ZNF704: variants seen among roughly 807,000 people sequenced by gnomAD.
The protein encoded by ZNF704 is zinc finger protein 704.
A neutral mutation model predicts 44.7 loss-of-function variants in ZNF704; 10 were observed. The ratio of observed to expected loss-of-function variants is 0.22; its 90% CI spans 0.14 to 0.38. ZNF704 has a LOEUF of 0.38. Ranked by LOEUF, ZNF704 falls within the 10% of genes least tolerant of loss-of-function variation. The probability of loss-of-function intolerance (pLI) is 1.00; values close to 1 mark genes in which losing one functional copy is unlikely to be tolerated. For missense variants in ZNF704, 390 were observed against 545.5 expected (o/e 0.71, Z 2.84); for synonymous variants, 211 against 207.6 (o/e 1.02, Z -0.14).
intron 2 of ZNF704, among the ~76,000 whole-genome samples, chr8:80,807,357 G>A (rs1299825305): frequency 1.3e-5 from 2 of 152,108 alleles, no homozygotes; most frequent in Non-Finnish European, 2.9e-5. Context: ...GAGGCAGGAA[G>A]CCCCCAGCCA....
intron 2 of ZNF704, among the ~76,000 whole-genome samples, chr8:80,721,059 T>C (rs1207432652): frequency 6.6e-6 from 1 of 152,162 alleles, no homozygotes; most frequent in African/African-American, 2.4e-5. Context: ...ACTTTGATTG[T>C]GGGTCAATTG....
chr8:80,783,226 G>A (rs1462684200), intron 2 of ZNF704, among the ~76,000 whole-genome samples: 2 of 152,186 alleles, frequency 1.3e-5, no homozygotes, highest in African/African-American at 4.8e-5. Context: ...CTGTCCAGAA[G>A]AGAAGGCCTG....
At chr8:80,698,314 G>A (rs912767291) in intron 2 of ZNF704, among the ~76,000 whole-genome samples, 4 of 152,190 alleles carry the variant, frequency 2.6e-5, no homozygotes, top group African/African-American at 9.7e-5. Flanking sequence ...GCTAACAGGA[G>A]AACAGGGCTG....
intron 2 of ZNF704, among the ~76,000 whole-genome samples, chr8:80,819,086 A>G (rs1230322501): frequency 1.3e-5 from 2 of 152,144 alleles, no homozygotes; most frequent in Non-Finnish European, 2.9e-5. Context: ...TAGATACCCC[A>G]AACAATGAAG....
chr8:80,646,474 CAAA>C (rs59704641), intron 7 of ZNF704, among the ~76,000 whole-genome samples: 8,362 of 98,644 alleles, frequency 0.085, 250 homozygotes, highest in Middle Eastern at 0.17. Flanking sequence ...AGACACATCT[CAAA>C]AAAAAAAAAA....
At chr8:80,743,857 C>T (rs1806803679) in intron 2 of ZNF704, among the ~76,000 whole-genome samples, 1 of 152,218 alleles carries the variant, frequency 6.6e-6, no homozygotes, top group Non-Finnish European at 1.5e-5. Context: ...TAACATGCTT[C>T]ACACAGTGGA....
chr8:80,741,331 T>C (rs1806752705), intron 2 of ZNF704, among the ~76,000 whole-genome samples: 1 of 152,142 alleles, frequency 6.6e-6, no homozygotes, highest in South Asian at 2.1e-4. Context: ...CTTTTCTTTA[T>C]ATGTCACAGA....
intron 2 of ZNF704, among the ~76,000 whole-genome samples, chr8:80,714,753 A>G (rs891855200): frequency 6.6e-5 from 10 of 152,192 alleles, no homozygotes; most frequent in South Asian, 2.1e-4. Context: ...TTTAGGTAAC[A>G]CACTGGTCCC....
intron 1 of ZNF704, among the ~76,000 whole-genome samples, chr8:80,869,614 T>C (rs745805154): frequency 1.3e-5 from 2 of 152,164 alleles, no homozygotes; most frequent in Non-Finnish European, 2.9e-5. Flanking sequence ...CCTCCTGTAG[T>C]TTTTTCTTTT....
At chr8:80,858,500 G>A (rs546061251) in intron 1 of ZNF704, among the ~76,000 whole-genome samples, 5 of 152,162 alleles carry the variant, frequency 3.3e-5, no homozygotes, top group Non-Finnish European at 7.3e-5. Context: ...GGGAGGCTGA[G>A]GCATGCAAAT....
At chr8:80,729,249 T>C (rs768053878) in intron 2 of ZNF704, among the ~76,000 whole-genome samples, 5 of 151,924 alleles carry the variant, frequency 3.3e-5, no homozygotes, top group African/African-American at 4.8e-5. Flanking sequence ...GGTGGCAAAA[T>C]GAGTGGTTGG....
chr8:80,845,090 C>T (rs1450284394), intron 1 of ZNF704, among the ~76,000 whole-genome samples: 3 of 152,128 alleles, frequency 2.0e-5, no homozygotes, highest in East Asian at 3.8e-4. Flanking sequence ...CTTTATTATA[C>T]ATTTCTGCTC....
At chr8:80,763,271 C>G (rs1340037326) in intron 2 of ZNF704, among the ~76,000 whole-genome samples, 1 of 152,260 alleles carries the variant, frequency 6.6e-6, no homozygotes, top group Non-Finnish European at 1.5e-5. Context: ...ACTGCCCTAG[C>G]AGAGGTTCTC....
chr8:80,795,718 CAA>C (rs10612734), intron 2 of ZNF704, among the ~76,000 whole-genome samples: 6,620 of 113,808 alleles, frequency 0.058, 472 homozygotes, highest in African/African-American at 0.19. Flanking sequence ...AACTCCATCT[CAA>C]AAAAAAAAAA....
chr8:80,738,202 CAA>C (rs1040542328), intron 2 of ZNF704, among the ~76,000 whole-genome samples: 41 of 152,230 alleles, frequency 2.7e-4, no homozygotes, highest in African/African-American at 9.9e-4. Flanking sequence ...ATCATTTGGT[CAA>C]AGAGTTATCT....
chr8:80,747,572 AC>A (rs1427361341), intron 2 of ZNF704, among the ~76,000 whole-genome samples: 4 of 152,252 alleles, frequency 2.6e-5, no homozygotes, highest in Non-Finnish European at 4.4e-5. Flanking sequence ...TTAGAGAAAT[AC>A]AGACTACATT....
At chr8:80,677,375 T>C (rs2131621884) in intron 4 of ZNF704, among the ~76,000 whole-genome samples, 1 of 152,302 alleles carries the variant, frequency 6.6e-6, no homozygotes, top group South Asian at 2.1e-4. Context: ...TACAGAAAAA[T>C]AAATATCATT....
intron 2 of ZNF704, among the ~76,000 whole-genome samples, chr8:80,817,130 G>A (rs890471724): frequency 1.3e-5 from 2 of 152,138 alleles, no homozygotes; most frequent in African/African-American, 4.8e-5. Context: ...AGTCTGCACT[G>A]GTAACTCAAA....
upstream of ZNF704, among the ~76,000 whole-genome samples, chr8:80,877,122 C>T (rs796922928): frequency 7.6e-6 from 1 of 130,804 alleles, no homozygotes; most frequent in African/African-American, 2.8e-5. Flanking sequence ...TAGGCCACTT[C>T]AATAGACTTC....
Sources: allele counts gnomAD v4.1 joint callset (sites outside exome capture counted in the v4.1 genomes callset), GRCh38; gene constraint gnomAD v4.1.1; transcripts MANE v1.5; gene names NCBI Gene and HGNC (gene_info 2026-07-23, HGNC 2026-07-21).